The following AGXT2 variants were observed in gnomAD, a reference collection of about 807,000 sequenced individuals.
AGXT2 encodes the protein alanine--glyoxylate aminotransferase 2, mitochondrial.
AGXT2 carries 61 observed loss-of-function variants against 62.5 expected under a neutral mutation model. The ratio of observed to expected loss-of-function variants is 0.98; its 90% CI spans 0.79 to 1.21. AGXT2 has a LOEUF of 1.21. Ranked by LOEUF, AGXT2 falls within the 50% of genes most tolerant of loss-of-function variation. AGXT2 has a pLI of 0.00. For missense variants in AGXT2, 666 were observed against 641.5 expected, an observed-to-expected ratio of 1.04 and a Z score of -0.41; for synonymous variants, 243 against 218.7, an observed-to-expected ratio of 1.11 and a Z score of -0.98.
At chr5:35,000,119 A>G (rs1431997540) in intron 13 of AGXT2, among the ~76,000 whole-genome samples, 1 of 152,068 alleles carries the variant, frequency 6.6e-6, no homozygotes, top group Non-Finnish European at 1.5e-5. Flanking sequence ...TCACATCTCA[A>G]TTGGTTGCAG....
intron 4 of AGXT2, among the ~76,000 whole-genome samples, chr5:35,035,764 T>G (rs1767741595): frequency 6.6e-6 from 1 of 152,148 alleles, no homozygotes; most frequent in African/African-American, 2.4e-5. Flanking sequence ...GACTATGCTG[T>G]GTGTGTGAAT....
chr5:35,013,949 A>G, intron 10 of AGXT2, 38 bp downstream of exon 10: 1 of 1,613,768 alleles, frequency 6.2e-7, no homozygotes, highest in Non-Finnish European at 8.5e-7. Flanking sequence ...CCAATGTACG[A>G]GGCCCAGAAG....
At chr5:35,022,221 G>A (rs772536930) in intron 9 of AGXT2, among the ~76,000 whole-genome samples, 7 of 152,114 alleles carry the variant, frequency 4.6e-5, no homozygotes, top group Non-Finnish European at 7.3e-5. Context: ...TCCCATTACT[G>A]GGTATATACC....
chr5:35,024,264 A>C (rs1350155401), intron 9 of AGXT2, among the ~76,000 whole-genome samples: 1 of 152,138 alleles, frequency 6.6e-6, no homozygotes, highest in African/African-American at 2.4e-5. Context: ...GGTGTGAAAC[A>C]TACTTACAGG....
At chr5:35,026,033 ACTTCTGG>A in intron 8 of AGXT2, 178 bp from the exon 9 acceptor site, 1 of 643,298 alleles carries the variant, frequency 1.6e-6, no homozygotes, top group Admixed American at 2.7e-5. Context: ...CTATACCATG[ACTTCTGG>A]AAAAAAGATG....
intron 1 of AGXT2, among the ~76,000 whole-genome samples, chr5:35,041,223 CAAA>C (rs3034208): frequency 1.9e-5 from 1 of 51,400 alleles, no homozygotes; most frequent in African/African-American, 9.0e-5. Context: ...CTCCCCCCGC[CAAA>C]AAAAAAAAAA....
intron 9 of AGXT2, among the ~76,000 whole-genome samples, chr5:35,021,976 C>T (rs1364545378): frequency 6.6e-6 from 1 of 152,068 alleles, no homozygotes; most frequent in Non-Finnish European, 1.5e-5. Context: ...TGAAAAAATG[C>T]TCATCATCAC....
In AGXT2 at chr5:35,025,781, G is replaced by A. The variant is rs761904321; in HGVS notation, c.945C>T (p.Gly315=). The A allele has an allele frequency of 1.4e-5, 23 of 1,614,006 alleles. No individual in the cohort carries two copies. Among genetic ancestry groups the A allele is most frequent in the East Asian group, 6.7e-5 (3 of 44,868 alleles). The change falls in exon 9 of 14, where the codon GGC becomes GGT. Residue 315 remains glycine, a synonymous_variant. Transcript: ENST00000231420. ...CACTTACTTCATCTGCAATGCACAC[G>A]CCTCCCCTTGCTCGCACCAGCTCAA... ...EAFELVRARG[G]VCIADEVQTG...
chr5:35,010,125 C>G lies in AGXT2; in HGVS notation c.1213G>C (p.Glu405Gln), dbSNP rs368638991. 1.3e-5 allele frequency: 21 copies of G among 1,614,084 alleles called. No individual in the cohort carries two copies. The highest frequency in any genetic ancestry group is 1.7e-5 in the Non-Finnish European group (20 of 1,180,040). Residue 405 changes from glutamate (E) to glutamine (Q), a missense_variant, in exon 12 of 14, where the codon GAA (glutamate) becomes CAA (glutamine). Transcript: ENST00000231420. ...TAGGTCCCAACTTCTTGACTGTTTT[C>G]CTGTAGATTTTCTTCTTTAATCACC... ...LEVIKEENLQENSQEVGTYML... is the reference protein window; with the variant it reads ...LEVIKEENLQQNSQEVGTYML...
Position 35,009,982 on chromosome 5 carries a change from G to A in AGXT2, c.1338+18C>T. ...CTGGCTCCAAGCAGCTGAGAGAGAG[G>A]GGCAGATTAGCACCTACCTTATCCT... On this transcript the variant is annotated intron_variant, in intron 12 of 13. Coordinates refer to ENST00000231420, the MANE Select transcript of AGXT2 (RefSeq NM_031900.4). 1.2e-6 allele frequency: 2 copies of A among 1,614,116 alleles called. No individual in the cohort carries two copies. Among genetic ancestry groups the A allele is most frequent in the Non-Finnish European group, 1.7e-6 (2 of 1,180,030 alleles).
chr5:35,007,207 A>G (rs780641070), intron 12 of AGXT2, among the ~76,000 whole-genome samples: 5 of 152,242 alleles, frequency 3.3e-5, no homozygotes, highest in Admixed American at 2.0e-4. Flanking sequence ...GGCACCATCT[A>G]TGAACCAGAA....
chr5:34,999,654 T>C (rs1766155905), intron 13 of AGXT2, among the ~76,000 whole-genome samples: 1 of 152,224 alleles, frequency 6.6e-6, no homozygotes, highest in Non-Finnish European at 1.5e-5. Context: ...TTTCTCAATC[T>C]AAACCTTTAT....
intron 5 of AGXT2, among the ~76,000 whole-genome samples, 168 bp from the exon 6 acceptor site, chr5:35,033,721 C>A (rs984444365): frequency 4.5e-5 from 5 of 110,372 alleles, no homozygotes; most frequent in African/African-American, 3.2e-5. Flanking sequence ...ACTTAATAGT[C>A]TTTTCTAACT....
intron 12 of AGXT2, 138 bp downstream of exon 12, chr5:35,009,862 A>G (rs779098920): frequency 6.0e-6 from 7 of 1,165,274 alleles, no homozygotes; most frequent in Non-Finnish European, 8.8e-6. Context: ...CTCTCTACTA[A>G]TCTCTAAAGG....
intron 13 of AGXT2, among the ~76,000 whole-genome samples, chr5:35,003,286 G>T (rs1766300171): frequency 6.6e-6 from 1 of 152,212 alleles, no homozygotes; most frequent in African/African-American, 2.4e-5. Context: ...ACCCGGGCCT[G>T]CAGGTGCTGT....
chr5:35,028,230 T>G (rs1767432665), intron 7 of AGXT2, among the ~76,000 whole-genome samples: 1 of 152,158 alleles, frequency 6.6e-6, no homozygotes, highest in Admixed American at 6.6e-5. Flanking sequence ...TTGAAGGGAA[T>G]GCATTTCATT....
intron 9 of AGXT2, among the ~76,000 whole-genome samples, chr5:35,020,117 G>A (rs545721015): frequency 2.0e-5 from 3 of 152,318 alleles, no homozygotes; most frequent in African/African-American, 7.2e-5. Flanking sequence ...GGACCAGAAG[G>A]ATTCACAGCG....
intron 3 of AGXT2, 120 bp downstream of exon 3, chr5:35,039,204 A>G: frequency 8.3e-7 from 1 of 1,201,018 alleles, no homozygotes; most frequent in Non-Finnish European, 1.2e-6. Context: ...TATGTCAGCC[A>G]CAATCTGTCA....
chr5:35,014,001 A>T lies in AGXT2; in HGVS notation c.1082T>A (p.Val361Asp), dbSNP rs1286573848. The change falls in exon 10 of 14, where the codon GTC becomes GAC. Residue 361 changes from valine (V) to aspartate (D), a missense_variant. Val to Asp is a radical substitution (Grantham distance 152). Coordinates refer to ENST00000231420, the MANE Select transcript of AGXT2 (RefSeq NM_031900.4). ...GTGGGTCCTACCTGGAGTGGTTATG[A>T]CTGCTGCCATGGGAAAGCCATTCCC... ...GIGNGFPMAA[V>D]ITTPEIAKSL... 6.2e-7 allele frequency: 1 copy of T among 1,614,104 alleles called. No individual in the cohort carries two copies. The highest frequency in any genetic ancestry group is 1.7e-5 in the Admixed American group (1 of 60,020).
Sources: gnomAD v4.1 joint callset for allele counts (sites outside exome capture counted in the v4.1 genomes callset) on GRCh38, gnomAD v4.1.1 for gene constraint, MANE v1.5 for transcripts, NCBI Gene and HGNC (gene_info 2026-07-23, HGNC 2026-07-21) for gene names.